Variants in SERTM1 observed in about 807,000 individuals in gnomAD.
SERTM1 encodes serine rich and transmembrane domain containing 1, also known as serine-rich and transmembrane domain-containing protein 1.
SERTM1 carries 1 observed loss-of-function variant against 5.5 expected under a neutral mutation model. The ratio of observed to expected loss-of-function variants is 0.18; its 90% CI spans 0.06 to 0.86. The LOEUF (loss-of-function observed/expected upper bound fraction) is 0.86, where lower values mean the gene tolerates loss of function less well. Ranked by LOEUF, SERTM1 falls within the 40% of genes least tolerant of loss-of-function variation. SERTM1 has a pLI of 0.69. For synonymous variants in SERTM1, 52 were observed against 55.1 expected, an observed-to-expected ratio of 0.94 and a Z score of 0.25; for missense variants, 91 against 122.4, an observed-to-expected ratio of 0.74 and a Z score of 1.21.
Position 36,695,723 on chromosome 13 carries a change from G to T in SERTM1, c.*321G>T. The T allele has an allele frequency of 3.4e-6, 1 of 296,626 alleles. No individual in the cohort carries two copies. The highest frequency in any genetic ancestry group is 9.4e-5 in the South Asian group (1 of 10,608). 18.4% of individuals were successfully genotyped at this position (296,626 alleles called of 1,614,324 possible). On this transcript the variant is annotated 3_prime_UTR_variant, in exon 2 of 2. Coordinates refer to ENST00000315190, the MANE Select transcript of SERTM1 (RefSeq NM_203451.3). The stretch of plus-strand genomic sequence containing the variant: ...GCTCATCTGAGGTGGCCTCTCCGTG[G>T]ATGCTGGACATGGACTCGCACTTCA...
At chr13:36,679,764 G>C (rs1033729307) in intron 1 of SERTM1, among the ~76,000 whole-genome samples, 2 of 152,146 alleles carry the variant, frequency 1.3e-5, no homozygotes, top group Non-Finnish European at 2.9e-5. Flanking sequence ...ATATCTTTTA[G>C]TGTTAAGTAT....
intron 1 of SERTM1, among the ~76,000 whole-genome samples, chr13:36,681,638 C>T (rs922721602): frequency 6.6e-6 from 1 of 152,148 alleles, no homozygotes; most frequent in Non-Finnish European, 1.5e-5. Context: ...CTTTTTATTT[C>T]CACAGATGAG....
intron 1 of SERTM1, among the ~76,000 whole-genome samples, chr13:36,680,651 A>G (rs1013722587): frequency 3.9e-5 from 6 of 152,192 alleles, no homozygotes; most frequent in Non-Finnish European, 8.8e-5. Flanking sequence ...AAAGACTTGT[A>G]GCTCTCTGAT....
At chr13:36,681,976 A>G (rs2056707957) in intron 1 of SERTM1, among the ~76,000 whole-genome samples, 1 of 152,218 alleles carries the variant, frequency 6.6e-6, no homozygotes, top group South Asian at 2.1e-4. Context: ...TTTTAAAAGT[A>G]TGGGCATAGT....
intron 1 of SERTM1, among the ~76,000 whole-genome samples, chr13:36,687,824 T>C (rs1185356244): frequency 1.3e-5 from 2 of 152,128 alleles, no homozygotes; most frequent in South Asian, 2.1e-4. Context: ...AAAAAGGTTC[T>C]CATTAAACTC....
At chr13:36,694,701 G>T (rs1379502178) in intron 1 of SERTM1, among the ~76,000 whole-genome samples, 1 of 151,964 alleles carries the variant, frequency 6.6e-6, no homozygotes, top group Non-Finnish European at 1.5e-5. Context: ...TAGCACCTAG[G>T]GTACTGTAGA....
intron 1 of SERTM1, among the ~76,000 whole-genome samples, chr13:36,681,107 C>T (rs77890291): frequency 2.0e-5 from 3 of 152,320 alleles, no homozygotes; most frequent in Non-Finnish European, 4.4e-5. Context: ...ATCACCATGG[C>T]TATGATCTGC....
At chr13:36,674,643 T>G (rs1234760559) in intron 1 of SERTM1, among the ~76,000 whole-genome samples, 1 of 151,826 alleles carries the variant, frequency 6.6e-6, no homozygotes, top group Admixed American at 6.6e-5. Context: ...GTGTGGAGGG[T>G]CATTCTTGGG....
At chr13:36,678,800 A>G (rs973721249) in intron 1 of SERTM1, among the ~76,000 whole-genome samples, 2 of 151,686 alleles carry the variant, frequency 1.3e-5, no homozygotes, top group Non-Finnish European at 2.9e-5. Context: ...AGTAGCTTCA[A>G]TGTTTAGCTA....
rs57478418 is a variant in SERTM1 at position 36,697,312 on chromosome 13, AAT to A, written c.*1934_*1935del. 24,271 of 144,446 alleles carry A rather than the reference AAT, an allele frequency of 0.17. 1,775 individuals are homozygous for A. Among genetic ancestry groups the A allele is most frequent in the African/African-American group, 0.25 (9,072 of 36,134 alleles). The allele number at this position is 144,446 out of a possible 1,614,324, so 8.9% of individuals were successfully genotyped here. ...ATACGCACACACACACACACACATA[AAT>A]ATATATATATATATATATATATAAA... On this transcript the variant is annotated 3_prime_UTR_variant, in exon 2 of 2. Transcript: ENST00000315190.
At chr13:36,687,459 T>C (rs1004969643) in intron 1 of SERTM1, among the ~76,000 whole-genome samples, 1 of 152,152 alleles carries the variant, frequency 6.6e-6, no homozygotes, top group Non-Finnish European at 1.5e-5. Context: ...CCAATGATCT[T>C]GCATTACATT....
intron 1 of SERTM1, among the ~76,000 whole-genome samples, chr13:36,690,050 C>CT (rs895565355): frequency 1.3e-5 from 2 of 152,120 alleles, no homozygotes; most frequent in Non-Finnish European, 2.9e-5. Flanking sequence ...TGGAAAAACT[C>CT]TGAGTGTATT....
intron 1 of SERTM1, among the ~76,000 whole-genome samples, chr13:36,675,429 T>C (rs1183380038): frequency 6.6e-6 from 1 of 152,178 alleles, no homozygotes; most frequent in African/African-American, 2.4e-5. Context: ...GACAACAGCC[T>C]GTCAACAGGA....
chr13:36,687,298 C>T lies in SERTM1; in HGVS notation c.-173-7608C>T, dbSNP rs528926801. ...TTATGCATATTTGTGATGTTCTAATCCATTTTTAGGGAATAGGATATTATA... is the reference window on the plus strand; with the variant it reads ...TTATGCATATTTGTGATGTTCTAATTCATTTTTAGGGAATAGGATATTATA... On this transcript the variant is annotated intron_variant, in intron 1 of 1. Coordinates refer to ENST00000315190, the MANE Select transcript of SERTM1 (RefSeq NM_203451.3). Among the ~76,000 whole-genome samples the T allele has an allele frequency of 9.3e-4, 142 of 152,084 alleles. 1 individual carries two copies. Among genetic ancestry groups the T allele is most frequent in the Non-Finnish European group, 1.9e-3 (126 of 68,012 alleles).
chr13:36,683,990 G>A (rs2056723695), intron 1 of SERTM1, among the ~76,000 whole-genome samples: 1 of 152,208 alleles, frequency 6.6e-6, no homozygotes, highest in Non-Finnish European at 1.5e-5. Flanking sequence ...GGGTGAGCTT[G>A]GACAAGCCTT....
At position 36,695,018 on chromosome 13, in the gene SERTM1, G is replaced by A. The variant is rs1345884349; in HGVS notation, c.-61G>A. 8.1e-7 allele frequency: 1 copy of A among 1,230,956 alleles called. No individual in the cohort carries two copies. The highest frequency in any genetic ancestry group is 1.9e-5 in the Admixed American group (1 of 52,944). 76.3% of individuals were successfully genotyped at this position (1,230,956 alleles called of 1,614,324 possible). On this transcript the variant is annotated 5_prime_UTR_variant, in exon 2 of 2. Coordinates refer to ENST00000315190, the MANE Select transcript of SERTM1 (RefSeq NM_203451.3). ...GTGAAAAAATGCCAATCTGTCCTGT[G>A]TAAGCCCTGTGTGAAGTTTTGACTT...
chr13:36,685,635 A>G (rs2056735800), intron 1 of SERTM1, among the ~76,000 whole-genome samples: 1 of 152,086 alleles, frequency 6.6e-6, no homozygotes, highest in South Asian at 2.1e-4. Context: ...ATGACAAAAG[A>G]CTCTGCCCTG....
rs2056816267 is a variant in SERTM1 at position 36,696,666 on chromosome 13, A to C, written c.*1264A>C. 6.0e-6 allele frequency: 1 copy of C among 166,806 alleles called. No homozygotes were observed. The allele number at this position is 166,806 out of a possible 1,614,324, so 10.3% of individuals were successfully genotyped here. On this transcript the variant is annotated 3_prime_UTR_variant, in exon 2 of 2. Transcript: ENST00000315190. ...GCACACATGTGAGCTCAGACATGGA[A>C]TGTGGAGGAACTCAAGCTGCCCCTA...
chr13:36,684,844 A>C (rs2056729861), intron 1 of SERTM1, among the ~76,000 whole-genome samples: 1 of 152,228 alleles, frequency 6.6e-6, no homozygotes, highest in African/African-American at 2.4e-5. Flanking sequence ...TAAATCTTGT[A>C]CTAAAGATTA....
Sources: gnomAD v4.1 joint callset for allele counts (sites outside exome capture counted in the v4.1 genomes callset) on GRCh38, gnomAD v4.1.1 for gene constraint, MANE v1.5 for transcripts, NCBI Gene and HGNC (gene_info 2026-07-23, HGNC 2026-07-21) for gene names.